The following MAP7 variants were observed in gnomAD, a reference collection of about 807,000 sequenced individuals.
The protein encoded by MAP7 is ensconsin.
Under a neutral mutation model 94.8 loss-of-function variants are expected in MAP7, and 52 were observed. The ratio of observed to expected loss-of-function variants is 0.55; its 90% CI spans 0.44 to 0.69. The LOEUF is 0.69. Among genes scored for constraint, MAP7 ranks in the 30% least tolerant of loss-of-function variants. The pLI, the probability that MAP7 is intolerant of heterozygous loss-of-function variation, is 0.00. For synonymous variants in MAP7, 350 were observed against 357.0 expected, an observed-to-expected ratio of 0.98 and a Z score of 0.22; for missense variants, 940 against 964.6, an observed-to-expected ratio of 0.97 and a Z score of 0.34.
chr6:136,466,712 A>G, intron 1 of MAP7: 1 of 1,521,802 alleles, frequency 6.6e-7, no homozygotes, highest in Middle Eastern at 1.7e-4. Context: ...CTGATTCTTG[A>G]ACGTCCTTAT....
intron 1 of MAP7, among the ~76,000 whole-genome samples, chr6:136,441,867 T>C (rs1797966723): frequency 2.6e-5 from 4 of 152,098 alleles, no homozygotes; most frequent in South Asian, 2.1e-4. Flanking sequence ...ATAAAATTAG[T>C]TGGGCATGGT....
rs747787001 is a variant in MAP7 at position 136,366,057 on chromosome 6, A to C, written c.990-39T>G. On this transcript the variant is annotated intron_variant, in intron 9 of 17. Transcript: ENST00000354570. ...AAACAAGGCAGACAAAAGGGGACAC[A>C]TGAGAACAGGCTTGCCAGAACCTAG... The C allele has an allele frequency of 3.2e-6, 5 of 1,584,330 alleles. No individual in the cohort carries two copies. In the East Asian group the frequency reaches 9.0e-5, roughly 28 times the overall value.
chr6:136,390,655 AAAACAAACAAAC>A (rs912198469), intron 3 of MAP7, among the ~76,000 whole-genome samples: 23 of 152,322 alleles, frequency 1.5e-4, no homozygotes, highest in African/African-American at 4.8e-4. Flanking sequence ...CTCTGTCTCA[AAAACAAACAAAC>A]AAACAAACAA....
At chr6:136,535,982 T>A (rs1288087233) in intron 1 of MAP7, among the ~76,000 whole-genome samples, 1 of 151,078 alleles carries the variant, frequency 6.6e-6, no homozygotes, top group African/African-American at 2.4e-5. Flanking sequence ...CACCTGTGAG[T>A]GAGAACATGC....
chr6:136,356,356 G>A (rs764736411), intron 16 of MAP7, among the ~76,000 whole-genome samples: 13 of 151,934 alleles, frequency 8.6e-5, no homozygotes, highest in Non-Finnish European at 1.5e-4. Context: ...TGTAGAGATG[G>A]TGCTTTGCTA....
intron 1 of MAP7, among the ~76,000 whole-genome samples, chr6:136,484,299 C>A (rs1480256228): frequency 6.6e-6 from 1 of 152,150 alleles, no homozygotes. Flanking sequence ...TAAACATTAT[C>A]TTATTAAATA....
chr6:136,452,187 C>A (rs1209904158), intron 1 of MAP7, among the ~76,000 whole-genome samples: 3 of 144,886 alleles, frequency 2.1e-5, no homozygotes, highest in African/African-American at 7.9e-5. Context: ...GAGCAAGACT[C>A]CGTCTCAAAC....
At chr6:136,494,904 C>T (rs1441477574) in intron 1 of MAP7, among the ~76,000 whole-genome samples, 2 of 152,082 alleles carry the variant, frequency 1.3e-5, no homozygotes, top group African/African-American at 4.8e-5. Flanking sequence ...CCATAGATAC[C>T]ACAGATGAAA....
chr6:136,514,580 CAAAAAAAAAAAA>C (rs1046225937), intron 1 of MAP7, among the ~76,000 whole-genome samples: 6 of 49,054 alleles, frequency 1.2e-4, no homozygotes, highest in African/African-American at 3.2e-4. Context: ...GACTCTGTCT[CAAAAAAAAAAAA>C]AAAAAAAAAA....
At position 136,408,650 on chromosome 6, in the gene MAP7, T is replaced by C. The variant is rs150001102; in HGVS notation, c.244+2970A>G. On this transcript the variant is annotated intron_variant, in intron 3 of 17. Transcript: ENST00000354570. ...TTGTGGAATGGTGTCCGATTTTTTTTAACTTGAAAACTTTAAAGTTTGAAA... is the reference window on the plus strand; with the variant it reads ...TTGTGGAATGGTGTCCGATTTTTTTCAACTTGAAAACTTTAAAGTTTGAAA... Among the ~76,000 whole-genome samples, 10 of 152,334 alleles carry C rather than the reference T, an allele frequency of 6.6e-5. No individual in the cohort carries two copies. The East Asian group carries it at 1.7e-3, about 26-fold the overall frequency.
intron 7 of MAP7, among the ~76,000 whole-genome samples, chr6:136,377,531 C>T (rs79777669): frequency 1.3e-5 from 2 of 152,146 alleles, no homozygotes; most frequent in African/African-American, 4.8e-5. Flanking sequence ...CATCGGAGCC[C>T]GGGGAGAGGC....
intron 6 of MAP7, among the ~76,000 whole-genome samples, chr6:136,381,877 TACAC>T (rs1156527948): frequency 0.018 from 1,695 of 93,008 alleles, 34 homozygotes; most frequent in East Asian, 0.052. Flanking sequence ...CTTCTAACCT[TACAC>T]ACACACACAC....
chr6:136,355,433 C>T (rs1790616647), intron 16 of MAP7, among the ~76,000 whole-genome samples: 1 of 151,884 alleles, frequency 6.6e-6, no homozygotes, highest in African/African-American at 2.4e-5. Context: ...TAAGATCTCT[C>T]AGGGTATTCT....
chr6:136,363,824 ACT>A (rs1321406088), intron 10 of MAP7, among the ~76,000 whole-genome samples: 2 of 152,184 alleles, frequency 1.3e-5, no homozygotes, highest in Non-Finnish European at 2.9e-5. Flanking sequence ...GCCAGATTTA[ACT>A]GGCCACCCTG....
chr6:136,358,244 G>A (rs1453929908), intron 15 of MAP7, among the ~76,000 whole-genome samples: 1 of 152,152 alleles, frequency 6.6e-6, no homozygotes, highest in Non-Finnish European at 1.5e-5. Flanking sequence ...AGGGCAGGAA[G>A]GGGGAAAATG....
chr6:136,345,759 G>T, intron 17 of MAP7, 97 bp downstream of exon 17: 1 of 1,001,430 alleles, frequency 1.0e-6, no homozygotes, highest in Admixed American at 1.7e-5. Flanking sequence ...GAAGAACAAA[G>T]TGTTACCACA....
chr6:136,484,218 C>A (rs1346118858), intron 1 of MAP7, among the ~76,000 whole-genome samples: 2 of 152,150 alleles, frequency 1.3e-5, no homozygotes, highest in African/African-American at 2.4e-5. Context: ...AGAACTGGCA[C>A]TATTCTTAAA....
chr6:136,350,477 TA>T (rs1190621073), intron 16 of MAP7, among the ~76,000 whole-genome samples: 2 of 152,250 alleles, frequency 1.3e-5, no homozygotes, highest in African/African-American at 4.8e-5. Context: ...TAAAACTGTT[TA>T]AAAACCTGAG....
intron 3 of MAP7, among the ~76,000 whole-genome samples, chr6:136,389,888 C>T (rs1780223745): frequency 6.6e-6 from 1 of 152,094 alleles, no homozygotes; most frequent in African/African-American, 2.4e-5. Context: ...TGATATCCTC[C>T]AGTCTATGAC....
Sources: gnomAD v4.1 joint callset for allele counts (sites outside exome capture counted in the v4.1 genomes callset) on GRCh38, gnomAD v4.1.1 for gene constraint, MANE v1.5 for transcripts, NCBI Gene and HGNC (gene_info 2026-07-23, HGNC 2026-07-21) for gene names.